Variants in PRSS55 observed in about 807,000 individuals in gnomAD.
PRSS55 encodes serine protease 55, also known as probable serine protease UNQ9391/PRO34284.
PRSS55 carries 41 observed loss-of-function variants against 23.6 expected under a neutral mutation model. The observed-to-expected ratio is 1.74, with a 90% confidence interval of 1.35 to 2.26. The LOEUF (loss-of-function observed/expected upper bound fraction) is 2.26. PRSS55 is among the 30% of genes most tolerant of loss of function. The pLI is 0.00. For synonymous variants in PRSS55, 262 were observed against 175.5 expected (o/e 1.49, Z -3.90); for missense variants, 669 against 439.1 (o/e 1.52, Z -4.68).
intron 1 of PRSS55, among the ~76,000 whole-genome samples, chr8:10,528,509 A>G (rs1470199317): frequency 6.6e-6 from 1 of 152,156 alleles, no homozygotes; most frequent in Non-Finnish European, 1.5e-5. Flanking sequence ...TGGGGCGAGG[A>G]GCTGGACCCG....
At position 10,533,304 on chromosome 8, in the gene PRSS55, G is replaced by A. The variant is rs188047533; in HGVS notation, c.741+256G>A. ...TTCAGGTACACTAGGTAAAAAGGAC[G>A]CCAAGGCTTTTCTCATTTCTGGGAA... On this transcript the variant is annotated intron_variant, in intron 4 of 4. Coordinates refer to ENST00000328655, the MANE Select transcript of PRSS55 (RefSeq NM_198464.4). Among the ~76,000 whole-genome samples, 307 of 151,006 alleles carry A rather than the reference G, an allele frequency of 2.0e-3. 3 individuals carry two copies. The highest frequency in any genetic ancestry group is 0.017 in the Middle Eastern group (5 of 292).
intron 2 of PRSS55, 122 bp from the exon 3 acceptor site, chr8:10,531,173 C>T: frequency 8.4e-7 from 1 of 1,190,488 alleles, no homozygotes; most frequent in Non-Finnish European, 1.2e-6. Flanking sequence ...GATCAACAGC[C>T]CCAGTAGGGT....
chr8:10,537,343 G>A (rs145315485), intron 4 of PRSS55, among the ~76,000 whole-genome samples: 16 of 152,256 alleles, frequency 1.1e-4, no homozygotes, highest in Admixed American at 3.3e-4. Flanking sequence ...AGAACTGGAG[G>A]ACATTACATT....
At chr8:10,553,520 A>G (rs908098797) in intron 4 of PRSS55, among the ~76,000 whole-genome samples, 8 of 152,228 alleles carry the variant, frequency 5.3e-5, no homozygotes, top group African/African-American at 1.9e-4. Flanking sequence ...CCTAGAGGAC[A>G]TTAGACTAAG....
intron 4 of PRSS55, among the ~76,000 whole-genome samples, chr8:10,537,865 T>C (rs1304296604): frequency 2.6e-5 from 4 of 152,162 alleles, no homozygotes; most frequent in Admixed American, 2.6e-4. Flanking sequence ...GACGGAAGGA[T>C]GTGGGGCATT....
At chr8:10,553,953 T>C in exon 5 of PRSS55, 10 of 1,523,324 alleles carry the variant, frequency 6.6e-6, no homozygotes, top group Non-Finnish European at 8.8e-6. Flanking sequence ...CAAAGCTATT[T>C]TCCCACTTTA....
At chr8:10,534,916 C>T (rs771419283) in intron 4 of PRSS55, among the ~76,000 whole-genome samples, 52 of 152,138 alleles carry the variant, frequency 3.4e-4, no homozygotes, top group Non-Finnish European at 4.7e-4. Context: ...TTTATATACA[C>T]CAGACAACAC....
intron 3 of PRSS55, 98 bp from the exon 4 acceptor site, chr8:10,532,808 G>A (rs904188552): frequency 4.7e-6 from 7 of 1,479,442 alleles, no homozygotes; most frequent in Admixed American, 1.8e-5. Context: ...AGGGGATGGG[G>A]GCTGGGGGAC....
chr8:10,533,870 CTGTTATGGTTTAA>C (rs1812360202), intron 4 of PRSS55, among the ~76,000 whole-genome samples: 1 of 152,152 alleles, frequency 6.6e-6, no homozygotes, highest in Non-Finnish European at 1.5e-5. Context: ...ATTTATCTAT[CTGTTATGGTTTAA>C]TGTGAGAAAA....
chr8:10,531,767 G>A lies in PRSS55; in HGVS notation c.598+222G>A, dbSNP rs112317641. 6.8e-6 allele frequency: 4 copies of A among 588,364 alleles called. No homozygotes were observed. The African/African-American group carries it at 7.4e-5, about 11-fold the overall frequency. 36.4% of individuals were successfully genotyped at this position (588,364 alleles called of 1,614,324 possible). ...AGTGCAGTCTGATCCAGCTAGCACAGAGCAGTGTGGTTTGTGTGTTTAACT... is the reference window on the plus strand; with the variant it reads ...AGTGCAGTCTGATCCAGCTAGCACAAAGCAGTGTGGTTTGTGTGTTTAACT... On this transcript the variant is annotated intron_variant, in intron 3 of 4. Coordinates refer to ENST00000328655, the MANE Select transcript of PRSS55 (RefSeq NM_198464.4).
At chr8:10,541,550 A>C (rs1311206771), downstream of PRSS55, 3 of 152,180 alleles carry the variant, frequency 2.0e-5, no homozygotes, top group Non-Finnish European at 4.4e-5. Context: ...CAGTCTCTGT[A>C]ATCAGGTGAG....
chr8:10,549,029 T>C lies in PRSS55; in HGVS notation c.742-4914T>C, dbSNP rs535867999. The stretch of plus-strand genomic sequence containing the variant: ...GTGGGTGCTGCTGTATATACAGGCA[T>C]AAGCTCAATAGATGCAACCAAGGCT... On this transcript the variant is annotated intron_variant, in intron 4 of 4. Coordinates refer to the PRSS55 transcript ENST00000522210. Among the ~76,000 whole-genome samples the C allele has an allele frequency of 2.3e-3, 357 of 152,268 alleles. 2 individuals are homozygous for C. The highest frequency in any genetic ancestry group is 8.5e-4 in the Non-Finnish European group (58 of 67,998).
At chr8:10,532,558 G>A (rs1428501590) in intron 3 of PRSS55, among the ~76,000 whole-genome samples, 1 of 152,196 alleles carries the variant, frequency 6.6e-6, no homozygotes, top group Non-Finnish European at 1.5e-5. Context: ...GTAATAAAAT[G>A]TCACAATAGG....
At chr8:10,541,902 T>C (rs911554048), downstream of PRSS55, among the ~76,000 whole-genome samples, 5 of 152,128 alleles carry the variant, frequency 3.3e-5, no homozygotes, top group African/African-American at 1.2e-4. Context: ...GCCTCTCTAA[T>C]AGCTGGGACT....
At chr8:10,546,866 A>C (rs1812831037) in intron 4 of PRSS55, among the ~76,000 whole-genome samples, 1 of 152,004 alleles carries the variant, frequency 6.6e-6, no homozygotes, top group Non-Finnish European at 1.5e-5. Flanking sequence ...TTTTTTGTAG[A>C]TACAAGTTCC....
intron 4 of PRSS55, among the ~76,000 whole-genome samples, chr8:10,546,516 T>C (rs377762453): frequency 6.6e-6 from 1 of 152,094 alleles, no homozygotes; most frequent in Non-Finnish European, 1.5e-5. Flanking sequence ...ATCCGAAAAC[T>C]GACCACACAC....
At chr8:10,529,920 A>G (rs1812188824) in intron 2 of PRSS55, among the ~76,000 whole-genome samples, 1 of 151,808 alleles carries the variant, frequency 6.6e-6, no homozygotes, top group South Asian at 2.1e-4. Context: ...AGTGACTACA[A>G]CCTCCCTGAG....
At chr8:10,552,283 T>A (rs1812968638) in intron 4 of PRSS55, among the ~76,000 whole-genome samples, 2 of 152,200 alleles carry the variant, frequency 1.3e-5, no homozygotes, top group Non-Finnish European at 2.9e-5. Flanking sequence ...CATGGGAGTG[T>A]TAATCATGGC....
intron 2 of PRSS55, among the ~76,000 whole-genome samples, chr8:10,529,901 A>T (rs1472220529): frequency 3.3e-5 from 5 of 151,976 alleles, no homozygotes; most frequent in Admixed American, 6.5e-5. Context: ...TCCTCACATC[A>T]CCAGAGCCAG....
Sources: allele counts gnomAD v4.1 joint callset (sites outside exome capture counted in the v4.1 genomes callset), GRCh38; gene constraint gnomAD v4.1.1; transcripts MANE v1.5; gene names NCBI Gene and HGNC (gene_info 2026-07-23, HGNC 2026-07-21).